The following CKM variants were observed in gnomAD, a reference collection of about 807,000 sequenced individuals.
CKM encodes the protein creatine kinase M-type.
A neutral mutation model predicts 35.4 loss-of-function variants in CKM; 28 were observed. That is an observed-to-expected ratio of 0.79 (90% CI 0.59 to 1.08). CKM has a LOEUF of 1.08. Among genes scored for constraint, CKM ranks in the 50% least tolerant of loss-of-function variants. The pLI is 0.00. For missense variants in CKM, 484 were observed against 509.8 expected (o/e 0.95, Z 0.49); for synonymous variants, 215 against 204.4 (o/e 1.05, Z -0.44).
Position 45,311,772 on chromosome 19 carries a change from G to C in CKM, c.630C>G (p.Asp210Glu), listed in dbSNP as rs763140355. ...ACCAGATGCCACGGGCGTCGGGCCA[G>C]TCGCGGGCCATGCCTGAGGCCAGCA... ...PLLLASGMAR[D>E]WPDARGIWHN... Residue 210 changes from aspartate (D) to glutamate (E), a missense_variant, in exon 5 of 8, where the codon GAC becomes GAG. Transcript: ENST00000221476. 6 of 1,597,400 alleles carry C rather than the reference G, an allele frequency of 3.8e-6. No individual in the cohort carries two copies. In the East Asian group the frequency reaches 1.3e-4, roughly 36 times the overall value.
intron 3 of CKM, among the ~76,000 whole-genome samples, chr19:45,315,900 G>A (rs938282863): frequency 7.4e-5 from 11 of 148,484 alleles, no homozygotes; most frequent in African/African-American, 2.5e-4. Context: ...CTGGAGTGCA[G>A]TGGTGCCATC....
chr19:45,315,727 G>T, intron 3 of CKM, 130 bp from the exon 4 acceptor site: 1 of 1,238,654 alleles, frequency 8.1e-7, no homozygotes, highest in Non-Finnish European at 1.1e-6. Context: ...CTGATTGGGT[G>T]TGTGGAGCCT....
At chr19:45,310,159 C>G (rs1176112664) in intron 5 of CKM, among the ~76,000 whole-genome samples, 5 of 112,560 alleles carry the variant, frequency 4.4e-5, no homozygotes, top group Admixed American at 2.3e-4. Flanking sequence ...CTTGGTCTGT[C>G]GCCCAGGCTG....
intron 1 of CKM, 129 bp from the exon 2 acceptor site, chr19:45,319,860 G>A (rs879324052): frequency 1.5e-4 from 102 of 698,182 alleles, no homozygotes; most frequent in Non-Finnish European, 2.1e-4. Flanking sequence ...GCACGATCTC[G>A]GCTCACTGCA....
At position 45,315,449 on chromosome 19, in the gene CKM, G is replaced by T; in HGVS notation, c.481+16C>A. On this transcript the variant is annotated intron_variant, in intron 4 of 7. Transcript: ENST00000221476. Reference sequence around the variant, plus strand: ...GGCTGGGTGACCCCAGCAGTGGACGGGGTAGGGGCGCTCACCTTCCACAGA... The same window carrying T: ...GGCTGGGTGACCCCAGCAGTGGACGTGGTAGGGGCGCTCACCTTCCACAGA... 6.3e-7 allele frequency: 1 copy of T among 1,598,158 alleles called. No individual in the cohort carries two copies. Among genetic ancestry groups the T allele is most frequent in the Non-Finnish European group, 8.5e-7 (1 of 1,179,268 alleles).
At chr19:45,311,516 G>A (rs1358299585) in intron 5 of CKM, among the ~76,000 whole-genome samples, 4 of 152,180 alleles carry the variant, frequency 2.6e-5, no homozygotes, top group African/African-American at 7.2e-5. Flanking sequence ...ATGAGCCACC[G>A]TGCCCCGCCA....
At chr19:45,320,234 A>T (rs971049362) in intron 1 of CKM, among the ~76,000 whole-genome samples, 1 of 151,886 alleles carries the variant, frequency 6.6e-6, no homozygotes, top group African/African-American at 2.4e-5. Context: ...TTACAGGCGC[A>T]CACCACCATG....
In CKM at chr19:45,308,423, C is replaced by G. The variant is rs372379123; in HGVS notation, c.763G>C (p.Val255Leu). 1 of 1,614,030 alleles carries G rather than the reference C, an allele frequency of 6.2e-7. No homozygotes were observed. The highest frequency in any genetic ancestry group is 8.5e-7 in the Non-Finnish European group (1 of 1,180,012). ...CAGACACCCACCTTCTGCAGCCCTA[C>G]GCAGAAGCGGCGGAAAACCTCCTTC... is the stretch of plus-strand genomic sequence containing the variant. The part of the protein sequence containing the change: ...NMKEVFRRFC[V>L]GLQKIEEIFK... The change falls in exon 6 of 8, where the codon GTA (valine) becomes CTA (leucine). Residue 255 changes from valine to leucine, a missense_variant. Physicochemically the swap from Val to Leu is conservative, Grantham distance 32. Coordinates refer to ENST00000221476, the MANE Select transcript of CKM (RefSeq NM_001824.5).
At chr19:45,310,221 C>T (rs997773873) in intron 5 of CKM, among the ~76,000 whole-genome samples, 2 of 147,142 alleles carry the variant, frequency 1.4e-5, no homozygotes, top group Non-Finnish European at 1.5e-5. Flanking sequence ...CCCGGGTTCA[C>T]GCCATTCTCC....
intron 4 of CKM, among the ~76,000 whole-genome samples, chr19:45,313,920 G>A (rs1971132853): frequency 6.6e-6 from 1 of 152,110 alleles, no homozygotes; most frequent in Non-Finnish European, 1.5e-5. Context: ...CAGCACTTTG[G>A]GAGACCAACA....
chr19:45,316,668 G>C (rs1312964517), intron 3 of CKM, among the ~76,000 whole-genome samples: 2 of 151,244 alleles, frequency 1.3e-5, no homozygotes, highest in African/African-American at 4.9e-5. Context: ...CACTCTCCTT[G>C]TCTGTGTCTG....
intron 1 of CKM, among the ~76,000 whole-genome samples, chr19:45,321,572 C>A (rs1971213862): frequency 6.6e-6 from 1 of 152,118 alleles, no homozygotes; most frequent in Non-Finnish European, 1.5e-5. Context: ...AGCACAGGCC[C>A]TGGCATGGAG....
At chr19:45,307,369 A>G in intron 7 of CKM, 92 bp downstream of exon 7, 2 of 1,251,268 alleles carry the variant, frequency 1.6e-6, no homozygotes, top group Non-Finnish European at 2.3e-6. Flanking sequence ...CCGGATCCCC[A>G]GAACTCGCAG....
At chr19:45,311,653 A>G (rs1298630436) in intron 5 of CKM, 96 bp downstream of exon 5, 1 of 1,024,410 alleles carries the variant, frequency 9.8e-7, no homozygotes, top group Non-Finnish European at 1.4e-6. Context: ...ATAATTACGT[A>G]TATGGCCTTG....
intron 5 of CKM, among the ~76,000 whole-genome samples, chr19:45,308,898 C>T (rs1971080841): frequency 6.6e-6 from 1 of 152,100 alleles, no homozygotes; most frequent in Non-Finnish European, 1.5e-5. Context: ...TGTGTTAGCT[C>T]CCAATCCTAG....
chr19:45,321,889 C>G lies in CKM; in HGVS notation c.-19+932G>C, dbSNP rs1433506146. Among the ~76,000 whole-genome samples the G allele has an allele frequency of 3.3e-5, 5 of 152,032 alleles. No homozygotes were observed. In the East Asian group the frequency reaches 9.6e-4, roughly 29 times the overall value. On this transcript the variant is annotated intron_variant, in intron 1 of 7. Coordinates refer to ENST00000221476, the MANE Select transcript of CKM (RefSeq NM_001824.5). The stretch of plus-strand genomic sequence containing the variant: ...GATTGTGGGAGGGAGATTGGGACCA[C>G]GGTGAGCTGAAGCCAGGGAAGAGGA...
intron 2 of CKM, 84 bp downstream of exon 2, chr19:45,319,436 CT>C (rs913107737): frequency 6.4e-6 from 7 of 1,094,034 alleles, no homozygotes; most frequent in Non-Finnish European, 9.7e-6. Flanking sequence ...GCCCCCCCCC[CT>C]TCAAGGGTGG....
chr19:45,311,981 C>G, intron 4 of CKM, 61 bp from the exon 5 acceptor site: 1 of 1,585,712 alleles, frequency 6.3e-7, no homozygotes, highest in Non-Finnish European at 8.6e-7. Context: ...GGTGTGGAGG[C>G]CCAGGGTTTC....
chr19:45,315,246 G>A (rs534428860), intron 4 of CKM, among the ~76,000 whole-genome samples: 3 of 152,186 alleles, frequency 2.0e-5, no homozygotes, highest in East Asian at 1.9e-4. Flanking sequence ...AGGTGTCTGC[G>A]TAGGTCTTCT....
Sources: gnomAD v4.1 joint callset for allele counts (sites outside exome capture counted in the v4.1 genomes callset) on GRCh38, gnomAD v4.1.1 for gene constraint, MANE v1.5 for transcripts, NCBI Gene and HGNC (gene_info 2026-07-23, HGNC 2026-07-21) for gene names.